Variants in FLG observed in about 807,000 individuals in gnomAD.
FLG encodes the protein epidermal filaggrin.
In FLG, 6 loss-of-function variants were observed where a neutral mutation model predicts 3.8. The observed-to-expected ratio is 1.60, with a 90% CI of 0.87 to 3.15. The LOEUF (loss-of-function observed/expected upper bound fraction) is 3.15, where lower values mean the gene tolerates loss of function less well. Ranked by LOEUF, FLG falls within the 30% of genes most tolerant of loss-of-function variation. The pLI is 0.00. For missense variants in FLG, 7,595 were observed against 5,050.9 expected (o/e 1.50, Z -15.27); for synonymous variants, 2,551 against 1,931.6 (o/e 1.32, Z -8.41).
In FLG at chr1:152,303,062, A is replaced by G. The variant is rs561694923; in HGVS notation, c.11824T>C (p.Ser3942Pro). 61 of 1,614,140 alleles carry G rather than the reference A, an allele frequency of 3.8e-5. No homozygotes were observed. The South Asian group carries it at 5.4e-4, about 14-fold the overall frequency. Residue 3942 changes from serine (S) to proline (P), a missense_variant, in exon 3 of 3, where the codon TCA becomes CCA. Ser to Pro is a moderately conservative substitution (Grantham distance 74, BLOSUM62 -1). Transcript: ENST00000368799. Reference protein sequence around the residue: ...SSLSQDSAYHSGIQSRGSPHS... With the variant: ...SSLSQDSAYHPGIQSRGSPHS... ...GGACTGCCACGTGACTGTATTCCTGAGTGATACGCAGAATCTTGTGAAAGA... is the reference window on the plus strand; with the variant it reads ...GGACTGCCACGTGACTGTATTCCTGGGTGATACGCAGAATCTTGTGAAAGA...
In FLG at chr1:152,313,982, C is replaced by A. The variant is rs567082495; in HGVS notation, c.904G>T (p.Asp302Tyr). The A allele has an allele frequency of 1.1e-5, 17 of 1,614,224 alleles. 1 individual carries two copies. Among genetic ancestry groups the A allele is most frequent in the Middle Eastern group, 1.6e-4 (1 of 6,062 alleles). ...GAGTCTTCTGAGTGTCCCTCACTGT[C>A]CCTGTCCTGGCTAACTCTGGATCCC... ...RRGSRVSQDR[D>Y]SEGHSEDSER... Residue 302 changes from aspartate to tyrosine, a missense_variant, in exon 3 of 3, where the codon GAC becomes TAC. Asp to Tyr is a radical substitution (Grantham distance 160, BLOSUM62 -3). Transcript: ENST00000368799.
In FLG at chr1:152,314,378, C is replaced by T. The variant is rs1010686508; in HGVS notation, c.508G>A (p.Glu170Lys). The T allele has an allele frequency of 6.2e-6, 10 of 1,612,780 alleles. No individual in the cohort carries two copies. The highest frequency in any genetic ancestry group is 1.3e-5 in the African/African-American group (1 of 74,868). Residue 170 changes from glutamate to lysine, a missense_variant, in exon 3 of 3, where the codon GAA becomes AAA. Glu to Lys is a moderately conservative substitution (Grantham distance 56). Transcript: ENST00000368799. Reference sequence around the variant, plus strand: ...TGATGGTTTTTTCCATATTCTTCTTCTCTATGAGTAGGTGAATATCCTTTT... The same window carrying T: ...TGATGGTTTTTTCCATATTCTTCTTTTCTATGAGTAGGTGAATATCCTTTT... ...ERKGYSPTHR[E>K]EEYGKNHHNS...
chr1:152,322,333 T>C (rs1352567504), intron 1 of FLG, among the ~76,000 whole-genome samples: 2 of 151,160 alleles, frequency 1.3e-5, no homozygotes, highest in African/African-American at 2.4e-5. Context: ...AAAACTGTTA[T>C]TACTCACAGA....
rs765061721 is a variant in FLG at position 152,313,607 on chromosome 1, CCTCACTGTCA to C, written c.1269_1278del (p.Ser423ArgfsTer20). On this transcript the variant is annotated frameshift_variant, in exon 3 of 3. Coordinates refer to ENST00000368799, the MANE Select transcript of FLG (RefSeq NM_002016.2). LOFTEE classifies it low-confidence loss of function (END_TRUNC). Reference sequence around the variant, plus strand: ...TGTGTGTCTGAGTTTTCTGAATGTCCCTCACTGTCACTGGCCTGACTACCGCTAGACCCCC... The same window carrying C: ...TGTGTGTCTGAGTTTTCTGAATGTCCCTGGCCTGACTACCGCTAGACCCCC... The C allele has an allele frequency of 3.1e-6, 5 of 1,614,042 alleles. No individual in the cohort carries two copies. The highest frequency in any genetic ancestry group is 4.2e-6 in the Non-Finnish European group (5 of 1,180,000).
At position 152,313,991 on chromosome 1, in the gene FLG, G is replaced by T. The variant is rs555655900; in HGVS notation, c.895C>A (p.Gln299Lys). The stretch of plus-strand genomic sequence containing the variant: ...GAGTGTCCCTCACTGTCCCTGTCCT[G>T]GCTAACTCTGGATCCCCTACGCTTT... Reference protein sequence around the residue: ...TRKRRGSRVSQDRDSEGHSED... With the variant: ...TRKRRGSRVSKDRDSEGHSED... The change falls in exon 3 of 3, where the codon CAG becomes AAG. Residue 299 changes from glutamine (Q) to lysine (K), a missense_variant. Transcript: ENST00000368799. 85 of 1,614,170 alleles carry T rather than the reference G, an allele frequency of 5.3e-5. 1 individual carries two copies. The South Asian group carries it at 8.7e-4, about 16-fold the overall frequency.
rs1557881130 is a variant in FLG, at chr1:152,313,131, C to CA, written c.1754_1755insT (p.Ser586ValfsTer5). On this transcript the variant is annotated frameshift_variant, in exon 3 of 3. Coordinates refer to ENST00000368799, the MANE Select transcript of FLG (RefSeq NM_002016.2). LOFTEE classifies it low-confidence loss of function (END_TRUNC). ...GAGAGGAAGCTTCATGATGACGTGACCCTGAGTGCCTGGTGCCGTCTCCTG... is the reference window on the plus strand; with the variant it reads ...GAGAGGAAGCTTCATGATGACGTGACACCTGAGTGCCTGGTGCCGTCTCCTG... 6.2e-7 allele frequency: 1 copy of CA among 1,613,752 alleles called. No homozygotes were observed. The highest frequency in any genetic ancestry group is 8.5e-7 in the Non-Finnish European group (1 of 1,179,964).
rs1651718652 is a variant in FLG, at chr1:152,303,354, C to T, written c.11532G>A (p.Gln3844=). The stretch of plus-strand genomic sequence containing the variant: ...ACCCCGCTGATTCACCCTGGCCGGA[C>T]TGTGAGTGTCTAGAGCTGTCAGCCT... ...STQADSSRHS[Q]SGQGESAGSR... Residue 3844 remains glutamine (Q), a synonymous_variant, in exon 3 of 3, where the codon CAG becomes CAA. Coordinates refer to ENST00000368799, the MANE Select transcript of FLG (RefSeq NM_002016.2). 1 of 1,614,126 alleles carries T rather than the reference C, an allele frequency of 6.2e-7. No individual in the cohort carries two copies. Among genetic ancestry groups the T allele is most frequent in the Non-Finnish European group, 8.5e-7 (1 of 1,180,018 alleles).
chr1:152,309,788 T>A lies in FLG; in HGVS notation c.5098A>T (p.Arg1700Ter). The change falls in exon 3 of 3, where the codon AGA becomes TGA. Residue 1700 changes from arginine to a stop codon, truncating the protein, a stop_gained. Coordinates refer to ENST00000368799, the MANE Select transcript of FLG (RefSeq NM_002016.2). LOFTEE classifies it low-confidence loss of function (END_TRUNC). Reference sequence around the variant, plus strand: ...TCTCCGACTACAGATGAATCTTGTCTGCGCCCAGTGCCTGAGTCTGTGGAG... The same window carrying A: ...TCTCCGACTACAGATGAATCTTGTCAGCGCCCAGTGCCTGAGTCTGTGGAG... ...DSSTDSGTGR[R>*]QDSSVVGDSG... The A allele has an allele frequency of 6.2e-7, 1 of 1,613,998 alleles. No homozygotes were observed. The highest frequency in any genetic ancestry group is 8.5e-7 in the Non-Finnish European group (1 of 1,179,984).
At chr1:152,322,649 A>T (rs1280725911) in intron 1 of FLG, among the ~76,000 whole-genome samples, 1 of 151,216 alleles carries the variant, frequency 6.6e-6, no homozygotes, top group African/African-American at 2.4e-5. Flanking sequence ...AAAAGCATAA[A>T]AAAAGAGGAA....
Position 152,309,478 on chromosome 1 carries a change from T to C in FLG, c.5408A>G (p.His1803Arg), listed in dbSNP as rs778489574. 6.2e-7 allele frequency: 1 copy of C among 1,613,874 alleles called. No homozygotes were observed. The highest frequency in any genetic ancestry group is 8.5e-7 in the Non-Finnish European group (1 of 1,179,964). ...RHEQARDSSR[H>R]SASQEGQDTI... ...GTCCTGACCCTCTTGGGACGCTGAG[T>C]GCCTGGAGCTGTCTCGTGCCTGCTC... The change falls in exon 3 of 3, where the codon CAC becomes CGC. Residue 1803 changes from histidine (H) to arginine (R), a missense_variant. Coordinates refer to ENST00000368799, the MANE Select transcript of FLG (RefSeq NM_002016.2).
chr1:152,304,731 A>T lies in FLG; in HGVS notation c.10155T>A (p.Ser3385=). The T allele has an allele frequency of 6.2e-7, 1 of 1,613,240 alleles. No homozygotes were observed. The highest frequency in any genetic ancestry group is 8.5e-7 in the Non-Finnish European group (1 of 1,179,846). Residue 3385 remains serine (S), a synonymous_variant, in exon 3 of 3, where the codon TCT becomes TCA. Coordinates refer to ENST00000368799, the MANE Select transcript of FLG (RefSeq NM_002016.2). The part of the protein sequence containing the change: ...RSGGRSGRSG[S]FLYQVSTHEQ... ...CATGAGTGCTCACCTGGTAGAGGAA[A>T]GACCCTGAACGTCCAGACCTTCCCC...
At position 152,310,150 on chromosome 1, in the gene FLG, C is replaced by G; in HGVS notation, c.4736G>C (p.Gly1579Ala). The change falls in exon 3 of 3, where the codon GGA becomes GCA. Residue 1579 changes from glycine to alanine, a missense_variant. Physicochemically the swap from Gly to Ala is moderately conservative, Grantham distance 60 (BLOSUM62 0). Transcript: ENST00000368799. ...GSSRHSQVGQ[G>A]ESAGSKTSRR... ...GCTTGTCTTGGACCCCGCTGATTCTCCCTGGCCCACCTGTGAGTGTCTAGA... is the reference window on the plus strand; with the variant it reads ...GCTTGTCTTGGACCCCGCTGATTCTGCCTGGCCCACCTGTGAGTGTCTAGA... 6.2e-7 allele frequency: 1 copy of G among 1,613,946 alleles called. No individual in the cohort carries two copies. The highest frequency in any genetic ancestry group is 8.5e-7 in the Non-Finnish European group (1 of 1,179,990).
In FLG at chr1:152,308,269, G is replaced by C; in HGVS notation, c.6617C>G (p.Ser2206Ter). The C allele has an allele frequency of 6.2e-7, 1 of 1,613,116 alleles. No homozygotes were observed. Among genetic ancestry groups the C allele is most frequent in the Non-Finnish European group, 8.5e-7 (1 of 1,179,226 alleles). Residue 2206 changes from serine to a stop codon, truncating the protein, a stop_gained, in exon 3 of 3, where the codon TCA (serine) becomes TGA (stop). Transcript: ENST00000368799. LOFTEE classifies it low-confidence loss of function (END_TRUNC). Reference sequence around the variant, plus strand: ...GGAAGCTTCATGATGATGCGACCCTGAGTGCCTAGAGCCATCTCCTGATTG... The same window carrying C: ...GGAAGCTTCATGATGATGCGACCCTCAGTGCCTAGAGCCATCTCCTGATTG... Reference protein sequence around the residue: ...KEQSGDGSRHSGSHHHEASSW... With the variant: ...KEQSGDGSRH
rs150597413 is a variant in FLG, at chr1:152,305,146, G to C, written c.9740C>G (p.Ser3247Ter). Reference sequence around the variant, plus strand: ...CCTGGGGTGTCTGGAGCCGTGCCTTGACTGCTCCTGAACAGATCCACGATG... The same window carrying C: ...CCTGGGGTGTCTGGAGCCGTGCCTTCACTGCTCCTGAACAGATCCACGATG... ...RNHRGSVQEQ[S>*]RHGSRHPRSH... Residue 3247 changes from serine (S) to a stop codon, truncating the protein, a stop_gained, in exon 3 of 3, where the codon TCA becomes TGA. Coordinates refer to ENST00000368799, the MANE Select transcript of FLG (RefSeq NM_002016.2). LOFTEE classifies it low-confidence loss of function (END_TRUNC). The C allele has an allele frequency of 5.0e-6, 8 of 1,613,714 alleles. No homozygotes were observed. Among genetic ancestry groups the C allele is most frequent in the East Asian group, 2.2e-5 (1 of 44,852 alleles).
intron 1 of FLG, among the ~76,000 whole-genome samples, chr1:152,322,676 C>G (rs1411656893): frequency 6.6e-6 from 1 of 150,634 alleles, no homozygotes; most frequent in Non-Finnish European, 1.5e-5. Context: ...AGGAATAAAT[C>G]TAAGAAAACA....
Position 152,312,239 on chromosome 1 carries a change from A to G in FLG, c.2647T>C (p.Ser883Pro), listed in dbSNP as rs767020125. 6.2e-6 allele frequency: 10 copies of G among 1,613,508 alleles called. No homozygotes were observed. The highest frequency in any genetic ancestry group is 1.3e-5 in the African/African-American group (1 of 74,720). Residue 883 changes from serine to proline, a missense_variant, in exon 3 of 3, where the codon TCC (serine) becomes CCC (proline). Physicochemically the swap from Ser to Pro is moderately conservative, Grantham distance 74. Transcript: ENST00000368799. ...CTTCTGGATCCTGACTGCCCACGGGAGGCATCAGACCTTCCCTGGGATGTG... is the reference window on the plus strand; with the variant it reads ...CTTCTGGATCCTGACTGCCCACGGGGGGCATCAGACCTTCCCTGGGATGTG... ...HTTSQGRSDA[S>P]RGQSGSRSAS... is the part of the protein sequence containing the mutation.
At position 152,304,336 on chromosome 1, in the gene FLG, C is replaced by A. The variant is rs180796833; in HGVS notation, c.10550G>T (p.Arg3517Ile). ...HEASTQADSSRHSQSGQGQSA... is the reference protein window; with the variant it reads ...HEASTQADSSIHSQSGQGQSA... ...TTGTCCCTGGCCGGACTGTGAGTGT[C>A]TAGAGCTGTCCGCCTGAGTGGAAGC... The change falls in exon 3 of 3, where the codon AGA becomes ATA. Residue 3517 changes from arginine to isoleucine, a missense_variant. Coordinates refer to ENST00000368799, the MANE Select transcript of FLG (RefSeq NM_002016.2). 25 of 1,611,902 alleles carry A rather than the reference C, an allele frequency of 1.6e-5. No individual in the cohort carries two copies. In the African/African-American group the frequency reaches 3.2e-4, roughly 21 times the overall value.
In FLG at chr1:152,310,131, C is replaced by G. The variant is rs199786796; in HGVS notation, c.4755G>C (p.Lys1585Asn). ...QVGQGESAGSKTSRRQGSSVS... is the reference protein window; with the variant it reads ...QVGQGESAGSNTSRRQGSSVS... ...CACTGGATCCCTGGCGCCTGCTTGT[C>G]TTGGACCCCGCTGATTCTCCCTGGC... is the stretch of plus-strand genomic sequence containing the variant. The change falls in exon 3 of 3, where the codon AAG (lysine) becomes AAC (asparagine). Residue 1585 changes from lysine (K) to asparagine (N), a missense_variant. Coordinates refer to ENST00000368799, the MANE Select transcript of FLG (RefSeq NM_002016.2). The G allele has an allele frequency of 6.2e-7, 1 of 1,613,920 alleles. No individual in the cohort carries two copies. Among genetic ancestry groups the G allele is most frequent in the East Asian group, 2.2e-5 (1 of 44,824 alleles).
At position 152,307,849 on chromosome 1, in the gene FLG, A is replaced by G. The variant is rs139965403; in HGVS notation, c.7037T>C (p.Ile2346Thr). Residue 2346 changes from isoleucine to threonine, a missense_variant, in exon 3 of 3, where the codon ATT becomes ACT. By Grantham distance (89) the Ile-to-Thr change is moderately conservative (BLOSUM62 -1). Transcript: ENST00000368799. ...TGCAGATGAAGCTTGTCCGTGCCCAATGCCTGAGTGTCTGGAGCTGTCTGC... is the reference window on the plus strand; with the variant it reads ...TGCAGATGAAGCTTGTCCGTGCCCAGTGCCTGAGTGTCTGGAGCTGTCTGC... ...QSADSSRHSG[I>T]GHGQASSAVR... 2.4e-3 allele frequency: 3,874 copies of G among 1,611,654 alleles called. 25 individuals are homozygous for G. The African/African-American group carries it at 0.04, about 16-fold the overall frequency.
Sources: allele counts gnomAD v4.1 joint callset (sites outside exome capture counted in the v4.1 genomes callset), GRCh38; gene constraint gnomAD v4.1.1; transcripts MANE v1.5; gene names NCBI Gene and HGNC (gene_info 2026-07-23, HGNC 2026-07-21).